Variants in THAP6 observed in about 807,000 individuals in gnomAD.
THAP6 encodes THAP domain-containing protein 6.
A neutral mutation model predicts 20.0 loss-of-function variants in THAP6; 13 were observed. That is an observed-to-expected ratio of 0.65 (90% CI 0.42 to 1.03). THAP6 has a LOEUF of 1.03. THAP6 is among the 50% of genes least tolerant of loss of function. THAP6 has a pLI of 0.00. For synonymous variants in THAP6, 93 were observed against 92.2 expected (o/e 1.01, Z -0.05); for missense variants, 262 against 261.6 (o/e 1.00, Z -0.01).
In THAP6 at chr4:75,542,541, CA is replaced by C. The variant is rs1385818317; in HGVS notation, c.243+57del. On this transcript the variant is annotated intron_variant, in intron 3 of 4. Transcript: ENST00000502620. ...TTTATTAACTCATTTAACTTCACAA[CA>C]ACCCTATAAGGTAGGTACTATTATT... The C allele has an allele frequency of 4.3e-6, 3 of 695,418 alleles. No homozygotes were observed. In the East Asian group the frequency reaches 8.1e-5, roughly 19 times the overall value. 43.1% of individuals were successfully genotyped at this position (695,418 alleles called of 1,614,324 possible).
intron 3 of THAP6, 78 bp from the exon 4 acceptor site, chr4:75,521,658 C>A: frequency 7.2e-7 from 1 of 1,393,098 alleles, no homozygotes; most frequent in Non-Finnish European, 9.6e-7. Context: ...CTTCACTATA[C>A]AAAGTTAAGA....
intron 4 of THAP6, among the ~76,000 whole-genome samples, chr4:75,526,228 A>G (rs1432653545): frequency 6.6e-6 from 1 of 151,842 alleles, no homozygotes; most frequent in South Asian, 2.1e-4. Context: ...CTTAAGAGCT[A>G]TTTTTTTCTG....
In THAP6 at chr4:75,529,504, A is replaced by G. The variant is rs1726587810; in HGVS notation, c.*2290A>G. 1 of 985,400 alleles carries G rather than the reference A, an allele frequency of 1.0e-6. No individual in the cohort carries two copies. Among genetic ancestry groups the G allele is most frequent in the African/African-American group, 1.7e-5 (1 of 57,352 alleles). 61.0% of individuals were successfully genotyped at this position (985,400 alleles called of 1,614,324 possible). ...GAGCTGCCCATTTTCTCTTTGTTCT[A>G]ATAGGGAAGCAATTACTGATAGAAA... On this transcript the variant is annotated 3_prime_UTR_variant, in exon 5 of 5. Transcript: ENST00000311638.
Position 75,529,565 on chromosome 4 carries a change from A to C in THAP6, c.*2351A>C. 1.0e-6 allele frequency: 1 copy of C among 985,484 alleles called. No homozygotes were observed. The highest frequency in any genetic ancestry group is 4.7e-5 in the South Asian group (1 of 21,292). 61.0% of individuals were successfully genotyped at this position (985,484 alleles called of 1,614,324 possible). A position where few individuals can be genotyped will look rare whatever the true frequency, so the allele number is the denominator to read the frequency against. ...AAAATAGGGTCCTCCCTGCTGCTCC[A>C]AACAAATGCCTAAACACAGTATGTA... On this transcript the variant is annotated 3_prime_UTR_variant, in exon 5 of 5. Coordinates refer to ENST00000311638, the MANE Select transcript of THAP6 (RefSeq NM_144721.6).
chr4:75,514,427 G>A (rs1725346959), upstream of THAP6: 2 of 957,734 alleles, frequency 2.1e-6, no homozygotes, highest in Non-Finnish European at 3.0e-6. Context: ...GTGACCCGGG[G>A]CAGACGGATT....
chr4:75,517,603 G>A (rs1725744868), intron 3 of THAP6: 1 of 152,292 alleles, frequency 6.6e-6, no homozygotes, highest in Non-Finnish European at 1.5e-5. Context: ...CAAGTTGGCA[G>A]TCCTTAACAC....
At chr4:75,517,053 C>G (rs188323899) in intron 3 of THAP6, 74 bp downstream of exon 3, 2 of 1,155,424 alleles carry the variant, frequency 1.7e-6, no homozygotes, top group East Asian at 2.6e-5. Flanking sequence ...GAGTCTCGCT[C>G]TGTCACCAAG....
At chr4:75,538,649 T>A (rs17000617) in intron 2 of THAP6, among the ~76,000 whole-genome samples, 2,307 of 152,118 alleles carry the variant, frequency 0.015, 63 homozygotes, top group African/African-American at 0.052. Flanking sequence ...TCTTCATAGG[T>A]CTCATTATTT....
At chr4:75,538,170 G>A (rs190116849) in intron 2 of THAP6, among the ~76,000 whole-genome samples, 2 of 152,320 alleles carry the variant, frequency 1.3e-5, no homozygotes, top group African/African-American at 2.4e-5. Context: ...TGGCACATGA[G>A]TAGACAGCCC....
downstream of THAP6, among the ~76,000 whole-genome samples, chr4:75,530,875 TA>T (rs570510763): frequency 9.2e-5 from 14 of 152,260 alleles, no homozygotes; most frequent in East Asian, 3.9e-4. Context: ...AGGGTCTGTC[TA>T]AATTTTGCAG....
chr4:75,533,967 G>A (rs1027405285), downstream of THAP6, among the ~76,000 whole-genome samples: 7 of 151,082 alleles, frequency 4.6e-5, no homozygotes, highest in African/African-American at 1.7e-4. Context: ...GTGTCCAGGT[G>A]TTCTCATTGT....
rs886425160 is a variant in THAP6 at position 75,542,628 on chromosome 4, G to T, written c.243+142G>T. 18 of 571,178 alleles carry T rather than the reference G, an allele frequency of 3.2e-5. No individual in the cohort carries two copies. In the African/African-American group the frequency reaches 3.4e-4, roughly 11 times the overall value. The allele number at this position is 571,178 out of a possible 1,614,324, so 35.4% of individuals were successfully genotyped here. On this transcript the variant is annotated intron_variant, in intron 3 of 4. Coordinates refer to the THAP6 transcript ENST00000502620. The stretch of plus-strand genomic sequence containing the variant: ...AGAAAAGCTAGGTAATTTGCCCAAG[G>T]TTTCACAGCTGGTATAACGATGTCT...
At chr4:75,533,624 T>C (rs1330122663), downstream of THAP6, among the ~76,000 whole-genome samples, 2 of 152,058 alleles carry the variant, frequency 1.3e-5, no homozygotes, top group African/African-American at 4.8e-5. Flanking sequence ...GTTAAATGGA[T>C]TTACAGTTCC....
intron 3 of THAP6, chr4:75,542,561 T>C (rs930718859): frequency 3.1e-6 from 2 of 635,342 alleles, no homozygotes; most frequent in African/African-American, 3.7e-5. Flanking sequence ...AGGTAGGTAC[T>C]ATTATTATTA....
At chr4:75,516,716 T>A in intron 2 of THAP6, 56 bp from the exon 3 acceptor site, 1 of 1,479,910 alleles carries the variant, frequency 6.8e-7, no homozygotes, top group Non-Finnish European at 9.2e-7. Context: ...CAGCTTTAAT[T>A]CAATTATATA....
At chr4:75,523,913 C>A (rs1726199544) in intron 4 of THAP6, among the ~76,000 whole-genome samples, 1 of 150,084 alleles carries the variant, frequency 6.7e-6, no homozygotes, top group African/African-American at 2.4e-5. Flanking sequence ...AGATTTAATT[C>A]TTTAATCCAT....
At chr4:75,518,679 TAAC>T (rs1281505204) in intron 3 of THAP6, among the ~76,000 whole-genome samples, 1 of 152,212 alleles carries the variant, frequency 6.6e-6, no homozygotes, top group Non-Finnish European at 1.5e-5. Context: ...AGTCTACTAT[TAAC>T]TACTACTCTC....
At position 75,527,006 on chromosome 4, in the gene THAP6, A is replaced by C. The variant is rs764370104; in HGVS notation, c.461A>C (p.Lys154Thr). The C allele has an allele frequency of 1.9e-6, 3 of 1,613,980 alleles. No individual in the cohort carries two copies. The African/African-American group carries it at 4.0e-5, about 22-fold the overall frequency. The change falls in exon 5 of 5, where the codon AAA (lysine) becomes ACA (threonine). Residue 154 changes from lysine to threonine, a missense_variant. Physicochemically the swap from Lys to Thr is moderately conservative, Grantham distance 78. Transcript: ENST00000311638. Reference protein sequence around the residue: ...VMDSPKKLKHKLDHVIGELED... With the variant: ...VMDSPKKLKHTLDHVIGELED... Reference sequence around the variant, plus strand: ...GACAGTCCAAAGAAACTTAAGCATAAATTAGATCATGTGATCGGCGAGCTA... The same window carrying C: ...GACAGTCCAAAGAAACTTAAGCATACATTAGATCATGTGATCGGCGAGCTA...
chr4:75,541,180 G>A (rs918966273), intron 2 of THAP6, among the ~76,000 whole-genome samples: 2 of 152,148 alleles, frequency 1.3e-5, no homozygotes, highest in African/African-American at 2.4e-5. Context: ...TATGTGCCAC[G>A]TGAGGGCTAC....
Sources: allele counts gnomAD v4.1 joint callset (sites outside exome capture counted in the v4.1 genomes callset), GRCh38; gene constraint gnomAD v4.1.1; transcripts MANE v1.5; gene names NCBI Gene and HGNC (gene_info 2026-07-23, HGNC 2026-07-21).